MTPN: variants seen among roughly 807,000 people sequenced by gnomAD.
MTPN encodes myotrophin.
A neutral mutation model predicts 13.5 loss-of-function variants in MTPN; 2 were observed. The ratio of observed to expected loss-of-function variants is 0.15; its 90% CI spans 0.06 to 0.47. The LOEUF (loss-of-function observed/expected upper bound fraction) is 0.47. MTPN is among the 20% of genes least tolerant of loss of function. The pLI is 0.97. For synonymous variants in MTPN, 46 were observed against 51.7 expected, an observed-to-expected ratio of 0.89 and a Z score of 0.48; for missense variants, 79 against 137.9, an observed-to-expected ratio of 0.57 and a Z score of 2.14.
chr7:135,962,532 T>C (rs1479476001), intron 1 of MTPN, among the ~76,000 whole-genome samples: 4 of 152,096 alleles, frequency 2.6e-5, no homozygotes, highest in Non-Finnish European at 5.9e-5. Context: ...GTTAAATTAA[T>C]ATGAAATTAC....
At position 135,927,236 on chromosome 7, in the gene MTPN, GCACCTACCTACTAC is replaced by G; in HGVS notation, c.*2676_*2689del. 2 of 1,448,528 alleles carry G rather than the reference GCACCTACCTACTAC, an allele frequency of 1.4e-6. No individual in the cohort carries two copies. Among genetic ancestry groups the G allele is most frequent in the Non-Finnish European group, 1.8e-6 (2 of 1,081,778 alleles). 89.7% of individuals were successfully genotyped at this position (1,448,528 alleles called of 1,614,324 possible). A position where few individuals can be genotyped will look rare whatever the true frequency, so the allele number is the denominator to read the frequency against. On this transcript the variant is annotated 3_prime_UTR_variant, in exon 4 of 4. Transcript: ENST00000393085. Reference sequence around the variant, plus strand: ...TACTTGTTTGCAGCTTCCACACACTGCACCTACCTACTACCTCTCTTCCATGCTTAACTGGGTTT... The same window carrying G: ...TACTTGTTTGCAGCTTCCACACACTGCTCTCTTCCATGCTTAACTGGGTTT...
chr7:135,950,165 C>T (rs76524746), intron 3 of MTPN, among the ~76,000 whole-genome samples: 1,943 of 152,288 alleles, frequency 0.013, 36 homozygotes, highest in African/African-American at 0.044. Context: ...AGAGTCCTTA[C>T]TTAACAGCAA....
rs550547371 is a variant in MTPN at position 135,970,760 on chromosome 7, A to C, written c.72+6269T>G. The stretch of plus-strand genomic sequence containing the variant: ...AAAAAAAGATCTTCCTCTATTTTAT[A>C]TATTTTTTAAAATGACTAAAAGCAT... On this transcript the variant is annotated intron_variant, in intron 1 of 3. Coordinates refer to ENST00000393085, the MANE Select transcript of MTPN (RefSeq NM_145808.4). Among the ~76,000 whole-genome samples, 203 of 152,238 alleles carry C rather than the reference A, an allele frequency of 1.3e-3. 2 individuals are homozygous for C. The South Asian group carries it at 0.02, about 15-fold the overall frequency.
Position 135,961,982 on chromosome 7 carries a change from A to G in MTPN, c.73-10352T>C, listed in dbSNP as rs75001236. Reference sequence around the variant, plus strand: ...AAACAACTGACAAAAATAGCACTGTACAGAGAGACTATCATAATCATCTTA... The same window carrying G: ...AAACAACTGACAAAAATAGCACTGTGCAGAGAGACTATCATAATCATCTTA... On this transcript the variant is annotated intron_variant, in intron 1 of 3. Coordinates refer to ENST00000393085, the MANE Select transcript of MTPN (RefSeq NM_145808.4). Among the ~76,000 whole-genome samples, 154 of 152,168 alleles carry G rather than the reference A, an allele frequency of 1.0e-3. No homozygotes were observed. The East Asian group carries it at 0.023, about 23-fold the overall frequency.
chr7:135,963,012 C>G (rs560351903), intron 1 of MTPN, among the ~76,000 whole-genome samples: 49 of 152,128 alleles, frequency 3.2e-4, no homozygotes, highest in Admixed American at 7.9e-4. Flanking sequence ...CAAAAGCTAC[C>G]TAACAAACAG....
At chr7:135,960,205 C>T (rs1000495128) in intron 1 of MTPN, among the ~76,000 whole-genome samples, 10 of 152,060 alleles carry the variant, frequency 6.6e-5, no homozygotes, top group African/African-American at 2.4e-4. Flanking sequence ...AGCTGCAGTA[C>T]AGGCTATGAG....
intron 3 of MTPN, among the ~76,000 whole-genome samples, chr7:135,948,349 C>T (rs1167468784): frequency 2.6e-5 from 4 of 152,134 alleles, no homozygotes; most frequent in Non-Finnish European, 5.9e-5. Flanking sequence ...AAAACAACAG[C>T]TCTACATGGT....
intron 3 of MTPN, among the ~76,000 whole-genome samples, chr7:135,946,975 C>T (rs1473446751): frequency 6.6e-6 from 1 of 152,146 alleles, no homozygotes; most frequent in Admixed American, 6.5e-5. Flanking sequence ...AATTATCTGC[C>T]TCCTTTCCCT....
chr7:135,962,734 G>C (rs1193465516), intron 1 of MTPN, among the ~76,000 whole-genome samples: 1 of 151,762 alleles, frequency 6.6e-6, no homozygotes, highest in Non-Finnish European at 1.5e-5. Flanking sequence ...TGGCTTGGTG[G>C]GGATTATTCA....
At chr7:135,932,969 A>C (rs907663635) in intron 3 of MTPN, 1 of 152,228 alleles carries the variant, frequency 6.6e-6, no homozygotes, top group Middle Eastern at 3.4e-3. Context: ...ACACGCCTGT[A>C]ATCCTAGCTA....
intron 1 of MTPN, among the ~76,000 whole-genome samples, chr7:135,975,154 ATAACC>A (rs898370426): frequency 1.3e-5 from 2 of 152,224 alleles, no homozygotes; most frequent in African/African-American, 4.8e-5. Flanking sequence ...ATTGAACATG[ATAACC>A]TAACCTAATT....
intron 3 of MTPN, among the ~76,000 whole-genome samples, chr7:135,948,001 TG>T (rs936801624): frequency 1.3e-5 from 2 of 152,192 alleles, no homozygotes; most frequent in African/African-American, 4.8e-5. Flanking sequence ...GATAATGTAT[TG>T]GAAATGTCAA....
At chr7:135,954,395 A>T (rs1799409301) in intron 1 of MTPN, among the ~76,000 whole-genome samples, 1 of 152,238 alleles carries the variant, frequency 6.6e-6, no homozygotes, top group South Asian at 2.1e-4. Context: ...TTCAAAATCA[A>T]ATTTAAATAG....
intron 3 of MTPN, among the ~76,000 whole-genome samples, chr7:135,937,734 T>C (rs908214667): frequency 1.3e-5 from 2 of 152,098 alleles, no homozygotes; most frequent in Non-Finnish European, 1.5e-5. Flanking sequence ...CTCCTGTCCC[T>C]CCTTCCACCT....
Position 135,973,905 on chromosome 7 carries a change from T to C in MTPN, c.72+3124A>G, listed in dbSNP as rs1799733281. Among the ~76,000 whole-genome samples the C allele has an allele frequency of 2.6e-5, 4 of 152,278 alleles. 1 individual carries two copies. In the Middle Eastern group the frequency reaches 0.014, roughly 518 times the overall value. Reference sequence around the variant, plus strand: ...CTGAAAGATGCCTAGTAAAAATGAATGAATTAACTAAATGTGGTCCTTAAG... The same window carrying C: ...CTGAAAGATGCCTAGTAAAAATGAACGAATTAACTAAATGTGGTCCTTAAG... On this transcript the variant is annotated intron_variant, in intron 1 of 3. Transcript: ENST00000393085.
At chr7:135,972,251 ACACACACACC>A (rs1208784970) in intron 1 of MTPN, among the ~76,000 whole-genome samples, 8 of 136,480 alleles carry the variant, frequency 5.9e-5, no homozygotes, top group East Asian at 2.2e-4. Flanking sequence ...ACACACACAC[ACACACACACC>A]CCATGTAGAT....
chr7:135,928,730 C>T lies in MTPN; in HGVS notation c.*1196G>A, dbSNP rs1475544473. The T allele has an allele frequency of 1.8e-5, 3 of 167,080 alleles. No individual in the cohort carries two copies. The highest frequency in any genetic ancestry group is 2.9e-5 in the Non-Finnish European group (2 of 68,108). The allele number at this position is 167,080 out of a possible 1,614,324, so 10.3% of individuals were successfully genotyped here. On this transcript the variant is annotated 3_prime_UTR_variant, in exon 4 of 4. Transcript: ENST00000393085. ...ATTTTAGGGCACTGTATTCCAAGAACAGAGAATACATTTTGAAGTTGTCAC... is the reference window on the plus strand; with the variant it reads ...ATTTTAGGGCACTGTATTCCAAGAATAGAGAATACATTTTGAAGTTGTCAC...
intron 1 of MTPN, among the ~76,000 whole-genome samples, chr7:135,952,405 G>A (rs902931567): frequency 6.6e-6 from 1 of 152,006 alleles, no homozygotes; most frequent in Non-Finnish European, 1.5e-5. Context: ...GACTACCTTC[G>A]CTATGGACCA....
At chr7:135,954,444 A>G (rs936926145) in intron 1 of MTPN, among the ~76,000 whole-genome samples, 2 of 152,234 alleles carry the variant, frequency 1.3e-5, no homozygotes, top group African/African-American at 4.8e-5. Flanking sequence ...CTTTATTCAC[A>G]ACTACAAAAA....
Sources: gnomAD v4.1 joint callset for allele counts (sites outside exome capture counted in the v4.1 genomes callset) on GRCh38, gnomAD v4.1.1 for gene constraint, MANE v1.5 for transcripts, NCBI Gene and HGNC (gene_info 2026-07-23, HGNC 2026-07-21) for gene names.